SMARCAL1: variants seen among roughly 807,000 people sequenced by gnomAD.
SMARCAL1 encodes SNF2 related chromatin remodeling annealing helicase 1, also known as ATP-driven annealing helicase.
Under a neutral mutation model 94.5 loss-of-function variants are expected in SMARCAL1, and 58 were observed. The observed-to-expected ratio is 0.61, with a 90% CI of 0.50 to 0.76. The LOEUF (loss-of-function observed/expected upper bound fraction) is 0.76. Ranked by LOEUF, SMARCAL1 falls within the 30% of genes least tolerant of loss-of-function variation. The pLI, the probability that SMARCAL1 is intolerant of heterozygous loss-of-function variation, is 0.00. For synonymous variants in SMARCAL1, 422 were observed against 455.1 expected (o/e 0.93, Z 0.93); for missense variants, 1,051 against 1,177.9 (o/e 0.89, Z 1.58).
intron 4 of SMARCAL1, among the ~76,000 whole-genome samples, chr2:216,420,064 A>G (rs1319527742): frequency 6.6e-6 from 1 of 151,800 alleles, no homozygotes; most frequent in Non-Finnish European, 1.5e-5. Flanking sequence ...AAAAAAAGAA[A>G]AACTTACGGA....
chr2:216,466,769 TG>T (rs1694838443), intron 13 of SMARCAL1, among the ~76,000 whole-genome samples: 1 of 152,218 alleles, frequency 6.6e-6, no homozygotes, highest in African/African-American at 2.4e-5. Context: ...TAAACTTTTT[TG>T]CTTATATCAT....
chr2:216,437,445 C>T (rs971489412), intron 9 of SMARCAL1, among the ~76,000 whole-genome samples: 9 of 152,242 alleles, frequency 5.9e-5, no homozygotes, highest in East Asian at 1.9e-4. Context: ...TTAAGGACAG[C>T]GTTGGGATCT....
chr2:216,470,104 T>G (rs552411489), intron 14 of SMARCAL1, among the ~76,000 whole-genome samples: 1 of 152,332 alleles, frequency 6.6e-6, no homozygotes, highest in African/African-American at 2.4e-5. Context: ...AGGAAAATTC[T>G]TTATAAATTC....
intron 12 of SMARCAL1, among the ~76,000 whole-genome samples, chr2:216,454,886 C>T (rs1255036815): frequency 2.6e-5 from 4 of 152,144 alleles, no homozygotes; most frequent in South Asian, 2.1e-4. Context: ...CGAGCGTGAG[C>T]GGAAGCAGGG....
intron 10 of SMARCAL1, among the ~76,000 whole-genome samples, chr2:216,442,539 G>T (rs1694219129): frequency 6.6e-6 from 1 of 152,202 alleles, no homozygotes. Flanking sequence ...ATAGTTACCA[G>T]TTTTCAGGTT....
In SMARCAL1 at chr2:216,475,484, G is replaced by A; in HGVS notation, c.2427+33G>A. ...ACGCAGAAGACTCAGATACTCCCCA[G>A]GCATGCTCATGGCTGTGGGCAGGAA... On this transcript the variant is annotated intron_variant, in intron 15 of 17. Transcript: ENST00000357276. This position sits in a 1 kb window ranked among gnomAD's most constrained non-coding sequence, Gnocchi z 4.4. The A allele has an allele frequency of 6.2e-7, 1 of 1,609,750 alleles. No individual in the cohort carries two copies. The highest frequency in any genetic ancestry group is 1.1e-5 in the South Asian group (1 of 90,992).
In SMARCAL1 at chr2:216,415,268, TAA is replaced by T; in HGVS notation, c.565_566del (p.Lys189ValfsTer21). ...CCTCTGGACAGCCTCCCAGGGATGCTAAGTTAGAGGCCAAGACAGCAAAAGCC... is the reference window on the plus strand; with the variant it reads ...CCTCTGGACAGCCTCCCAGGGATGCTGTTAGAGGCCAAGACAGCAAAAGCC... ...HSSGQPPRDA[K>X]LEAKTAKASP... On this transcript the variant is annotated frameshift_variant, in exon 3 of 18. Coordinates refer to ENST00000357276, the MANE Select transcript of SMARCAL1 (RefSeq NM_014140.4). LOFTEE classifies it high-confidence loss of function. 6.2e-7 allele frequency: 1 copy of T among 1,614,240 alleles called. No individual in the cohort carries two copies. The highest frequency in any genetic ancestry group is 1.1e-5 in the South Asian group (1 of 91,084).
At chr2:216,465,713 T>C (rs1245226460) in intron 13 of SMARCAL1, among the ~76,000 whole-genome samples, 1 of 152,126 alleles carries the variant, frequency 6.6e-6, no homozygotes, top group Admixed American at 6.5e-5. Flanking sequence ...TTAACATTCA[T>C]GTGATGCTCT....
chr2:216,439,431 C>T (rs935316086), intron 10 of SMARCAL1, among the ~76,000 whole-genome samples: 4 of 152,192 alleles, frequency 2.6e-5, no homozygotes. Flanking sequence ...TCACAGATTA[C>T]TTTGGAGGTA....
rs1276262986 is a variant in SMARCAL1, at chr2:216,482,807, C to G, written c.2695C>G (p.Leu899Val). The change falls in exon 18 of 18, where the codon CTC (leucine) becomes GTC (valine). Residue 899 changes from leucine (L) to valine (V), a missense_variant. Leu to Val is a conservative substitution (Grantham distance 32). Around this residue, in one of 3 missense-constraint regions of SMARCAL1, gnomAD observed 642 missense variants for 754.7 expected, o/e 0.85. Coordinates refer to ENST00000357276, the MANE Select transcript of SMARCAL1 (RefSeq NM_014140.4). The surrounding 1 kb of genome is among the most constrained non-coding windows in gnomAD (Gnocchi z 4.3). ...TGAGAAAGAAGGAAGTGATATGGAG[C>G]TCCTGGAAGCAGCAGAGTCCTTTGA... ...SFEKEGSDME[L>V]LEAAESFDPG... is the part of the protein sequence containing the mutation. The G allele has an allele frequency of 6.2e-7, 1 of 1,614,076 alleles. No individual in the cohort carries two copies. The highest frequency in any genetic ancestry group is 1.3e-5 in the African/African-American group (1 of 74,918).
At chr2:216,451,985 T>A (rs2106056513) in intron 12 of SMARCAL1, among the ~76,000 whole-genome samples, 1 of 152,346 alleles carries the variant, frequency 6.6e-6, no homozygotes, top group South Asian at 2.1e-4. Flanking sequence ...AGAATGCATG[T>A]TTTTCATGTT....
chr2:216,421,875 A>G (rs1387660229), intron 5 of SMARCAL1, among the ~76,000 whole-genome samples: 1 of 152,208 alleles, frequency 6.6e-6, no homozygotes, highest in African/African-American at 2.4e-5. Flanking sequence ...AAGAGCTTTC[A>G]TCAGGGTTTG....
intron 7 of SMARCAL1, among the ~76,000 whole-genome samples, chr2:216,430,627 T>C (rs930684851): frequency 6.6e-6 from 1 of 152,206 alleles, no homozygotes; most frequent in Non-Finnish European, 1.5e-5. Context: ...GGCCACTTTG[T>C]TCCTTAGTTG....
chr2:216,482,211 G>T lies in SMARCAL1; in HGVS notation c.2626-527G>T, dbSNP rs1484195373. 1.3e-5 allele frequency among the ~76,000 whole-genome samples: 2 copies of T among 152,302 alleles called. No individual in the cohort carries two copies. Among genetic ancestry groups the T allele is most frequent in the East Asian group, 3.9e-4 (2 of 5,188 alleles). On this transcript the variant is annotated intron_variant, in intron 17 of 17. Transcript: ENST00000357276. This position sits in a 1 kb window ranked among gnomAD's most constrained non-coding sequence, Gnocchi z 4.3. ...CTCACACCTGTAATCCCAACATTTT[G>T]GGTAGCTGAGGTGGGCAGATCATTT...
chr2:216,434,639 C>T (rs1377319125), intron 8 of SMARCAL1, among the ~76,000 whole-genome samples: 3 of 150,812 alleles, frequency 2.0e-5, no homozygotes, highest in African/African-American at 7.3e-5. Flanking sequence ...ACTTCAAGAC[C>T]AGTCTGAACA....
intron 2 of SMARCAL1, 154 bp downstream of exon 2, chr2:216,414,046 A>G (rs941042527): frequency 6.6e-6 from 1 of 152,400 alleles, no homozygotes; most frequent in Non-Finnish European, 1.5e-5. Flanking sequence ...TTATCAGAAG[A>G]GTTACTCACC....
chr2:216,440,870 A>G (rs1270133222), intron 10 of SMARCAL1, among the ~76,000 whole-genome samples: 1 of 152,176 alleles, frequency 6.6e-6, no homozygotes, highest in Non-Finnish European at 1.5e-5. Context: ...CTCCCCAGTC[A>G]TGACAACCAA....
intron 4 of SMARCAL1, among the ~76,000 whole-genome samples, chr2:216,417,413 T>C (rs901813785): frequency 6.6e-6 from 1 of 152,212 alleles, no homozygotes; most frequent in African/African-American, 2.4e-5. Context: ...GGTTGGTTTC[T>C]TCAGAGGCCT....
chr2:216,414,864 T>G lies in SMARCAL1; in HGVS notation c.160T>G (p.Ser54Ala). Residue 54 changes from serine (S) to alanine (A), a missense_variant, in exon 3 of 18, where the codon TCC becomes GCC. Ser to Ala is a moderately conservative substitution (Grantham distance 99). Around this residue, in one of 3 missense-constraint regions of SMARCAL1, gnomAD observed 398 missense variants for 395.2 expected, o/e 1.01. Transcript: ENST00000357276. ...CCCATTCCAGGCCAAGCAAGGCCCA[T>G]CCCAAAATTTCCCAAGGGAGTCTTG... ...GNPFQAKQGP[S>A]QNFPRESCKP... 6.2e-7 allele frequency: 1 copy of G among 1,614,156 alleles called. No homozygotes were observed. The highest frequency in any genetic ancestry group is 1.1e-5 in the South Asian group (1 of 91,078).
Sources: gnomAD v4.1 joint callset for allele counts (sites outside exome capture counted in the v4.1 genomes callset) on GRCh38, gnomAD v4.1.1 for gene constraint, gnomAD v4.1.1 regional missense constraint, Gnocchi (gnomAD v3.1) non-coding constraint, MANE v1.5 for transcripts, NCBI Gene and HGNC (gene_info 2026-07-23, HGNC 2026-07-21) for gene names.